NDST1: variants seen among roughly 807,000 people sequenced by gnomAD.
The protein encoded by NDST1 is N-deacetylase and N-sulfotransferase 1.
A neutral mutation model predicts 92.8 loss-of-function variants in NDST1; 35 were observed. The observed-to-expected ratio is 0.38, with a 90% confidence interval of 0.29 to 0.50. The LOEUF (loss-of-function observed/expected upper bound fraction) is 0.50. Ranked by LOEUF, NDST1 falls within the 20% of genes least tolerant of loss-of-function variation. The pLI is 0.94. For synonymous variants in NDST1, 493 were observed against 500.3 expected, an observed-to-expected ratio of 0.99 and a Z score of 0.19; for missense variants, 822 against 1,182.7, an observed-to-expected ratio of 0.69 and a Z score of 4.47.
At chr5:150,546,474 C>T (rs1755488878) in intron 11 of NDST1, among the ~76,000 whole-genome samples, 3 of 152,208 alleles carry the variant, frequency 2.0e-5, no homozygotes, top group Admixed American at 2.0e-4. Context: ...AGTGGCGCCC[C>T]AGCAGAAAGC....
chr5:150,512,378 C>G lies in NDST1; in HGVS notation c.-388+4152C>G, dbSNP rs566618921. Among the ~76,000 whole-genome samples, 4 of 152,178 alleles carry G rather than the reference C, an allele frequency of 2.6e-5. No individual in the cohort carries two copies. In the South Asian group the frequency reaches 6.2e-4, roughly 24 times the overall value. On this transcript the variant is annotated intron_variant, in intron 1 of 14. Coordinates refer to ENST00000261797, the MANE Select transcript of NDST1 (RefSeq NM_001543.5). The stretch of plus-strand genomic sequence containing the variant: ...CTTCCCCCATTCACTGCAGCCATGT[C>G]GTACCAGAGACATAAAACCTTGGGT...
chr5:150,548,476 C>A, intron 12 of NDST1, 88 bp downstream of exon 12: 1 of 1,444,098 alleles, frequency 6.9e-7, no homozygotes, highest in Non-Finnish European at 9.5e-7. Context: ...TCTCACCAGC[C>A]GTGGGGACAG....
intron 11 of NDST1, among the ~76,000 whole-genome samples, chr5:150,546,975 C>A (rs957922995): frequency 2.6e-5 from 4 of 152,232 alleles, no homozygotes; most frequent in African/African-American, 9.6e-5. Flanking sequence ...AGTCTGCTTT[C>A]ATGGGGGAAC....
intron 1 of NDST1, among the ~76,000 whole-genome samples, chr5:150,501,880 A>T (rs1256832593): frequency 2.6e-5 from 4 of 152,116 alleles, no homozygotes; most frequent in Admixed American, 1.3e-4. Flanking sequence ...GGTGGTCAGG[A>T]TGGTCCCTGG....
At chr5:150,540,308 C>G in intron 8 of NDST1, 44 bp downstream of exon 8, 1 of 1,553,992 alleles carries the variant, frequency 6.4e-7, no homozygotes, top group Non-Finnish European at 8.7e-7. Context: ...AGGGATGGAA[C>G]GCCACCACTC....
At position 150,535,830 on chromosome 5, in the gene NDST1, A is replaced by G; in HGVS notation, c.1382A>G (p.Tyr461Cys). ...ATCCGCGTGACCAGCACGGAGGAGTACCCCCACCTGAAGCCAGCCCGCTAC... is the reference window on the plus strand; with the variant it reads ...ATCCGCGTGACCAGCACGGAGGAGTGCCCCCACCTGAAGCCAGCCCGCTAC... ...WSIRVTSTEE[Y>C]PHLKPARYRR... is the part of the protein sequence containing the mutation. Residue 461 changes from tyrosine to cysteine, a missense_variant, in exon 6 of 15, where the codon TAC becomes TGC. Physicochemically the swap from Tyr to Cys is radical, Grantham distance 194. Transcript: ENST00000261797. The G allele has an allele frequency of 3.1e-6, 5 of 1,613,886 alleles. No individual in the cohort carries two copies. The highest frequency in any genetic ancestry group is 4.2e-6 in the Non-Finnish European group (5 of 1,179,978).
At chr5:150,498,622 G>A (rs150012806) in intron 1 of NDST1, among the ~76,000 whole-genome samples, 5 of 152,296 alleles carry the variant, frequency 3.3e-5, no homozygotes, top group African/African-American at 7.2e-5. Context: ...GTAACCAGCC[G>A]GGTCTGGCCA....
chr5:150,523,058 C>T (rs927631047), intron 2 of NDST1, among the ~76,000 whole-genome samples: 1 of 152,234 alleles, frequency 6.6e-6, no homozygotes, highest in African/African-American at 2.4e-5. Context: ...GAGGGCTTCT[C>T]ATGGCGTGTT....
intron 5 of NDST1, 40 bp downstream of exon 5, chr5:150,535,061 A>G: frequency 6.3e-7 from 1 of 1,591,900 alleles, no homozygotes; most frequent in African/African-American, 1.3e-5. Flanking sequence ...GGGCGGGCTA[A>G]GGGCTGGGCT....
upstream of NDST1, among the ~76,000 whole-genome samples, chr5:150,504,314 C>T (rs563332542): frequency 1.3e-5 from 2 of 152,308 alleles, no homozygotes; most frequent in African/African-American, 4.8e-5. Flanking sequence ...TTCTTAACAG[C>T]TTGGTAAATT....
chr5:150,526,193 T>C (rs1194434271), intron 2 of NDST1, among the ~76,000 whole-genome samples: 1 of 152,256 alleles, frequency 6.6e-6, no homozygotes. Flanking sequence ...GGAGACCTCC[T>C]GAGCCCACTA....
At chr5:150,552,209 A>G (rs1254203013) in intron 14 of NDST1, among the ~76,000 whole-genome samples, 1 of 152,160 alleles carries the variant, frequency 6.6e-6, no homozygotes, top group Non-Finnish European at 1.5e-5. Flanking sequence ...GAGAGGGCAC[A>G]CAAGTGCTAT....
chr5:150,541,324 A>C (rs1018663656), intron 8 of NDST1, among the ~76,000 whole-genome samples: 5 of 152,190 alleles, frequency 3.3e-5, no homozygotes, highest in African/African-American at 1.2e-4. Flanking sequence ...TAAATTCAAC[A>C]AGTGCTTATG....
At chr5:150,544,660 A>AT (rs959752322) in intron 10 of NDST1, among the ~76,000 whole-genome samples, 1 of 152,188 alleles carries the variant, frequency 6.6e-6, no homozygotes, top group African/African-American at 2.4e-5. Context: ...GCATAGGTAG[A>AT]TTCCCCTGGG....
chr5:150,554,145 C>T lies in NDST1; in HGVS notation c.*813C>T. On this transcript the variant is annotated 3_prime_UTR_variant, in exon 15 of 15. Transcript: ENST00000261797. ...AGACACGGTCCCCACACCCTCCCAG[C>T]CTCAGGCCCAGGCAGACATGGGCGA... 1 of 399,016 alleles carries T rather than the reference C, an allele frequency of 2.5e-6. No homozygotes were observed. Among genetic ancestry groups the T allele is most frequent in the Non-Finnish European group, 4.4e-6 (1 of 226,120 alleles). 24.7% of individuals were successfully genotyped at this position (399,016 alleles called of 1,614,324 possible). A position where few individuals can be genotyped will look rare whatever the true frequency, so the allele number is the denominator to read the frequency against.
chr5:150,529,113 C>T (rs4958338), intron 3 of NDST1, among the ~76,000 whole-genome samples: 48,124 of 151,894 alleles, frequency 0.32, 8,870 homozygotes, highest in Non-Finnish European at 0.4. Context: ...GTTTGCTGGC[C>T]GGGTGTGGTG....
chr5:150,551,911 T>C, intron 14 of NDST1, 56 bp downstream of exon 14: 3 of 1,600,652 alleles, frequency 1.9e-6, no homozygotes, highest in Non-Finnish European at 2.6e-6. Flanking sequence ...GGTCCCTGTA[T>C]GGAGTTGAGG....
At chr5:150,504,786 G>T (rs897915821), upstream of NDST1, among the ~76,000 whole-genome samples, 1 of 152,344 alleles carries the variant, frequency 6.6e-6, no homozygotes, top group South Asian at 2.1e-4. Context: ...ATGGGATAAC[G>T]TGTGAAATGC....
In NDST1 at chr5:150,549,712, A is replaced by G; in HGVS notation, c.2351A>G (p.Glu784Gly). 6.2e-7 allele frequency: 1 copy of G among 1,614,090 alleles called. No individual in the cohort carries two copies. Among genetic ancestry groups the G allele is most frequent in the Non-Finnish European group, 8.5e-7 (1 of 1,179,932 alleles). ...LVLDGKLLRT[E>G]PAKVMDMVQK... is the part of the protein sequence containing the mutation. ...TTGGATGGCAAACTGCTTCGCACAG[A>G]ACCTGCCAAAGTGATGGACATGGTG... The change falls in exon 13 of 15, where the codon GAA becomes GGA. Residue 784 changes from glutamate (E) to glycine (G), a missense_variant. By Grantham distance (98) the Glu-to-Gly change is moderately conservative (BLOSUM62 -2). Coordinates refer to ENST00000261797, the MANE Select transcript of NDST1 (RefSeq NM_001543.5).
Sources: gnomAD v4.1 joint callset for allele counts (sites outside exome capture counted in the v4.1 genomes callset) on GRCh38, gnomAD v4.1.1 for gene constraint, MANE v1.5 for transcripts, NCBI Gene and HGNC (gene_info 2026-07-23, HGNC 2026-07-21) for gene names.